Variants in CLNK observed in about 807,000 individuals in gnomAD.
The protein encoded by CLNK is cytokine dependent hematopoietic cell linker.
Under a neutral mutation model 68.6 loss-of-function variants are expected in CLNK, and 74 were observed. The observed-to-expected ratio is 1.08, with a 90% CI of 0.89 to 1.31. CLNK has a LOEUF of 1.31. Among genes scored for constraint, CLNK ranks in the 50% most tolerant of loss-of-function variants. The pLI is 0.00. For missense variants in CLNK, 553 were observed against 515.3 expected, an observed-to-expected ratio of 1.07 and a Z score of -0.71; for synonymous variants, 198 against 172.2, an observed-to-expected ratio of 1.15 and a Z score of -1.17.
chr4:10,667,891 A>G lies in CLNK; in HGVS notation c.-22T>C. The G allele has an allele frequency of 7.3e-7, 1 of 1,361,416 alleles. No individual in the cohort carries two copies. The highest frequency in any genetic ancestry group is 9.6e-7 in the Non-Finnish European group (1 of 1,044,930). 84.3% of individuals were successfully genotyped at this position (1,361,416 alleles called of 1,614,324 possible). ...TCATAGTTCTTGGCACCTGGCGGGTAAGAGGGATCTTCAATTCAGCCTGTG... is the reference window on the plus strand; with the variant it reads ...TCATAGTTCTTGGCACCTGGCGGGTGAGAGGGATCTTCAATTCAGCCTGTG... On this transcript the variant is annotated 5_prime_UTR_variant, in exon 2 of 19. Coordinates refer to ENST00000226951, the MANE Select transcript of CLNK (RefSeq NM_052964.4).
chr4:10,535,355 C>T (rs1201471096), intron 11 of CLNK, among the ~76,000 whole-genome samples: 4 of 152,102 alleles, frequency 2.6e-5, no homozygotes, highest in African/African-American at 9.7e-5. Context: ...GAACCCTGCA[C>T]CTTTGGCCAT....
chr4:10,593,834 C>T (rs549808430), intron 3 of CLNK, among the ~76,000 whole-genome samples: 66 of 152,236 alleles, frequency 4.3e-4, no homozygotes, highest in African/African-American at 1.3e-3. Flanking sequence ...AATGAGGTGA[C>T]GAATGGGAAG....
rs888156760 is a variant in CLNK at position 10,486,537 on chromosome 4, A to G, written c.*3930T>C. 6.6e-6 allele frequency: 1 copy of G among 151,306 alleles called. No homozygotes were observed. The highest frequency in any genetic ancestry group is 2.5e-5 in the African/African-American group (1 of 40,734). The allele number at this position is 151,306 out of a possible 1,614,324, so 9.4% of individuals were successfully genotyped here. A position where few individuals can be genotyped will look rare whatever the true frequency, so the allele number is the denominator to read the frequency against. On this transcript the variant is annotated 3_prime_UTR_variant, in exon 19 of 19. Coordinates refer to ENST00000226951, the MANE Select transcript of CLNK (RefSeq NM_052964.4). ...CTAATATACAATATAGGCTATCATAAAAATTTGTATTTGTGTACACACATA... is the reference window on the plus strand; with the variant it reads ...CTAATATACAATATAGGCTATCATAGAAATTTGTATTTGTGTACACACATA...
At position 10,513,560 on chromosome 4, in the gene CLNK, T is replaced by A; in HGVS notation, c.810A>T (p.Arg270Ser). Reference protein sequence around the residue: ...RGGMQPCSPQRCQPPASCSPH... With the variant: ...RGGMQPCSPQSCQPPASCSPH... Reference sequence around the variant, plus strand: ...GGCTGCAGCTGGCTGGAGGCTGGCATCTCTGAGGAGAACAGGGCTGCATGC... The same window carrying A: ...GGCTGCAGCTGGCTGGAGGCTGGCAACTCTGAGGAGAACAGGGCTGCATGC... Residue 270 changes from arginine (R) to serine (S), a missense_variant, in exon 16 of 19, where the codon AGA becomes AGT. By Grantham distance (110) the Arg-to-Ser change is moderately radical. Coordinates refer to ENST00000226951, the MANE Select transcript of CLNK (RefSeq NM_052964.4). 1 of 1,607,914 alleles carries A rather than the reference T, an allele frequency of 6.2e-7. No individual in the cohort carries two copies. Among genetic ancestry groups the A allele is most frequent in the Non-Finnish European group, 8.5e-7 (1 of 1,176,936 alleles).
chr4:10,654,405 A>ATAT (rs1367370247), intron 2 of CLNK, among the ~76,000 whole-genome samples: 6 of 117,088 alleles, frequency 5.1e-5, no homozygotes, highest in Non-Finnish European at 8.2e-5. Context: ...ATATATATAG[A>ATAT]AAGTCTCTTG....
the CLNK span, among the ~76,000 whole-genome samples, chr4:10,718,514 A>G: frequency 6.6e-6 from 1 of 152,112 alleles, no homozygotes; most frequent in Non-Finnish European, 1.5e-5. Context: ...AGAAAATAAG[A>G]TAACTGTAAA....
Position 10,535,515 on chromosome 4 carries a change from G to A in CLNK, c.603-3232C>T, listed in dbSNP as rs138762115. Among the ~76,000 whole-genome samples the A allele has an allele frequency of 3.5e-4, 53 of 152,312 alleles. 1 individual carries two copies. Among genetic ancestry groups the A allele is most frequent in the African/African-American group, 1.2e-3 (51 of 41,574 alleles). ...TAAGATCCCAAACCGGGCCTGGTGTGTAGTTACGACTCAGAAAATGTTGTT... is the reference window on the plus strand; with the variant it reads ...TAAGATCCCAAACCGGGCCTGGTGTATAGTTACGACTCAGAAAATGTTGTT... On this transcript the variant is annotated intron_variant, in intron 11 of 18. Transcript: ENST00000226951.
At chr4:10,528,154 A>ACACCATG (rs1380797620) in intron 12 of CLNK, 60 bp from the exon 13 acceptor site, 1 of 816,346 alleles carries the variant, frequency 1.2e-6, no homozygotes, top group Non-Finnish European at 1.7e-6. Flanking sequence ...ATTTAATATA[A>ACACCATG]CACCATGTGT....
chr4:10,548,933 A>C (rs1041531860), intron 8 of CLNK, among the ~76,000 whole-genome samples: 1 of 152,204 alleles, frequency 6.6e-6, no homozygotes, highest in Non-Finnish European at 1.5e-5. Context: ...TGAAATCAGG[A>C]AGTGTGATGG....
chr4:10,625,316 G>T (rs1233055739), intron 2 of CLNK, among the ~76,000 whole-genome samples: 2 of 152,222 alleles, frequency 1.3e-5, no homozygotes, highest in Admixed American at 6.5e-5. Context: ...CAAAGGCAGA[G>T]AGAGGGGGCA....
At chr4:10,661,337 G>C (rs560296118) in intron 2 of CLNK, among the ~76,000 whole-genome samples, 1 of 152,138 alleles carries the variant, frequency 6.6e-6, no homozygotes, top group African/African-American at 2.4e-5. Context: ...ATTGTGCAAG[G>C]TTTCAAAGAG....
chr4:10,711,975 G>A, the CLNK span, among the ~76,000 whole-genome samples: 3 of 152,138 alleles, frequency 2.0e-5, no homozygotes, highest in Non-Finnish European at 4.4e-5. Context: ...GGGGCACCGG[G>A]AGACAATGGA....
chr4:10,710,192 C>T, the CLNK span, among the ~76,000 whole-genome samples: 1 of 152,138 alleles, frequency 6.6e-6, no homozygotes, highest in African/African-American at 2.4e-5. Flanking sequence ...GATCCTAACT[C>T]AAGCAAGTGC....
chr4:10,654,577 G>C (rs1169685327), intron 2 of CLNK, among the ~76,000 whole-genome samples: 1 of 149,970 alleles, frequency 6.7e-6, no homozygotes, highest in Non-Finnish European at 1.5e-5. Context: ...AGGCAAGAAA[G>C]AAAAAAATGT....
At chr4:10,716,686 C>CTTTTTTTTTTTTTTTTTTTTT in the CLNK span, among the ~76,000 whole-genome samples, 1 of 132,922 alleles carries the variant, frequency 7.5e-6, no homozygotes, top group Non-Finnish European at 1.6e-5. Flanking sequence ...AGACAGAAAA[C>CTTTTTTTTTTTTTTTTTTTTT]TTTTTTTTTT....
intron 1 of CLNK, among the ~76,000 whole-genome samples, chr4:10,672,256 C>A (rs1724676798): frequency 6.6e-6 from 1 of 152,168 alleles, no homozygotes; most frequent in Admixed American, 6.5e-5. Context: ...CTGGATCTTG[C>A]AAGACTGCCA....
chr4:10,720,235 G>GA, the CLNK span, among the ~76,000 whole-genome samples: 249 of 151,562 alleles, frequency 1.6e-3, 1 homozygote, highest in Admixed American at 1.6e-3. Context: ...ATATATTACA[G>GA]AAAAAAAATC....
intron 5 of CLNK, among the ~76,000 whole-genome samples, chr4:10,567,720 C>T (rs970265018): frequency 5.9e-5 from 9 of 152,078 alleles, no homozygotes; most frequent in African/African-American, 1.9e-4. Flanking sequence ...TCTTACAATG[C>T]AATGATCTAA....
the CLNK span, among the ~76,000 whole-genome samples, chr4:10,724,165 T>G: frequency 1.3e-5 from 2 of 152,178 alleles, no homozygotes; most frequent in African/African-American, 4.8e-5. Context: ...TTATACATAT[T>G]TAACATTATA....
Sources: gnomAD v4.1 joint callset for allele counts (sites outside exome capture counted in the v4.1 genomes callset) on GRCh38, gnomAD v4.1.1 for gene constraint, MANE v1.5 for transcripts, NCBI Gene and HGNC (gene_info 2026-07-23, HGNC 2026-07-21) for gene names.